The following LAMA3 variants were observed in gnomAD, a reference collection of about 807,000 sequenced individuals.
LAMA3 encodes the protein laminin subunit alpha 3.
A neutral mutation model predicts 402.0 loss-of-function variants in LAMA3; 281 were observed. The ratio of observed to expected loss-of-function variants is 0.70; its 90% CI spans 0.63 to 0.77. The LOEUF (loss-of-function observed/expected upper bound fraction) is 0.77. Among genes scored for constraint, LAMA3 ranks in the 30% least tolerant of loss-of-function variants. The pLI is 0.00. For synonymous variants in LAMA3, 1,431 were observed against 1,558.4 expected, an observed-to-expected ratio of 0.92 and a Z score of 1.93; for missense variants, 3,840 against 4,215.5, an observed-to-expected ratio of 0.91 and a Z score of 2.47.
chr18:23,816,384 T>C lies in LAMA3; in HGVS notation c.2048-4T>C. 6.2e-7 allele frequency: 1 copy of C among 1,613,432 alleles called. No individual in the cohort carries two copies. The highest frequency in any genetic ancestry group is 8.5e-7 in the Non-Finnish European group (1 of 1,179,426). ...TATAACTGCTGCTGTTTCCTGGCTT[T>C]CAGGGTGTCAGTGTGACATTGGTGG... On this transcript the variant is annotated splice_region_variant and splice_polypyrimidine_tract_variant and intron_variant, in intron 17 of 74. Transcript: ENST00000313654.
At chr18:23,718,277 A>G (rs1423074035) in intron 2 of LAMA3, among the ~76,000 whole-genome samples, 2 of 151,976 alleles carry the variant, frequency 1.3e-5, no homozygotes, top group Admixed American at 6.6e-5. Context: ...TGGGCTCCCT[A>G]TGTTCACCTT....
chr18:23,850,586 T>A (rs2063921411), intron 32 of LAMA3, among the ~76,000 whole-genome samples: 1 of 152,248 alleles, frequency 6.6e-6, no homozygotes, highest in African/African-American at 2.4e-5. Context: ...TATCACGGAC[T>A]ATATTGTGTA....
At position 23,861,668 on chromosome 18, in the gene LAMA3, A is replaced by G; in HGVS notation, c.4445A>G (p.His1482Arg). ...CAGTTTGTGGATATGCTGGGCTGGC[A>G]CCTGGAGACAGCAGACAGAGTGGAC... ...RTKFVDMLGW[H>R]LETADRVDIP... Residue 1482 changes from histidine (H) to arginine (R), a missense_variant, in exon 35 of 75, where the codon CAC becomes CGC. Physicochemically the swap from His to Arg is conservative, Grantham distance 29 (BLOSUM62 0). Transcript: ENST00000313654. 1.2e-6 allele frequency: 2 copies of G among 1,614,134 alleles called. No individual in the cohort carries two copies. Among genetic ancestry groups the G allele is most frequent in the Non-Finnish European group, 1.7e-6 (2 of 1,180,012 alleles).
chr18:23,927,717 A>G (rs1221816774), intron 62 of LAMA3, among the ~76,000 whole-genome samples: 2 of 152,202 alleles, frequency 1.3e-5, no homozygotes. Flanking sequence ...GGTTCCTACA[A>G]ATGATTTATT....
chr18:23,759,077 G>A (rs1269578671), intron 7 of LAMA3, among the ~76,000 whole-genome samples: 2 of 151,566 alleles, frequency 1.3e-5, no homozygotes, highest in South Asian at 2.1e-4. Flanking sequence ...TAGGCCTGAT[G>A]TGGTGGCTCC....
chr18:23,888,437 T>C (rs1301621686), intron 41 of LAMA3, among the ~76,000 whole-genome samples: 1 of 152,210 alleles, frequency 6.6e-6, no homozygotes, highest in African/African-American at 2.4e-5. Flanking sequence ...CACTTATTCA[T>C]TCAACAAATG....
chr18:23,807,356 T>C (rs1175055623), intron 12 of LAMA3, among the ~76,000 whole-genome samples: 1 of 152,162 alleles, frequency 6.6e-6, no homozygotes, highest in Non-Finnish European at 1.5e-5. Flanking sequence ...ATACTTCTCT[T>C]GGTACCAAAA....
Position 23,815,557 on chromosome 18 carries a change from T to A in LAMA3, c.2031T>A (p.Asn677Lys), listed in dbSNP as rs1283258474. ...EDGYFALEKS[N>K]YFGCQGCQCD... is the part of the protein sequence containing the mutation. ...GATATTTTGCTTTGGAAAAGAGCAATTACTTTGGGTGTCAAGGTAAATAAG... is the reference window on the plus strand; with the variant it reads ...GATATTTTGCTTTGGAAAAGAGCAAATACTTTGGGTGTCAAGGTAAATAAG... The change falls in exon 17 of 75, where the codon AAT becomes AAA. Residue 677 changes from asparagine (N) to lysine (K), a missense_variant. Transcript: ENST00000313654. 6.2e-7 allele frequency: 1 copy of A among 1,613,442 alleles called. No homozygotes were observed. The highest frequency in any genetic ancestry group is 1.7e-5 in the Admixed American group (1 of 60,022).
chr18:23,894,948 A>G lies in LAMA3; in HGVS notation c.5503A>G (p.Thr1835Ala), dbSNP rs771515197. 3 of 1,614,190 alleles carry G rather than the reference A, an allele frequency of 1.9e-6. No homozygotes were observed. Among genetic ancestry groups the G allele is most frequent in the East Asian group, 2.2e-5 (1 of 44,876 alleles). Reference protein sequence around the residue: ...CVMTLLNDLATMGEQLRLVKS... With the variant: ...CVMTLLNDLAAMGEQLRLVKS... ...GATGACCCTCCTGAACGACCTGGCCACCATGGGCGAGCAGCTCCGCCTGGT... is the reference window on the plus strand; with the variant it reads ...GATGACCCTCCTGAACGACCTGGCCGCCATGGGCGAGCAGCTCCGCCTGGT... The change falls in exon 44 of 75, where the codon ACC becomes GCC. Residue 1835 changes from threonine (T) to alanine (A), a missense_variant. Physicochemically the swap from Thr to Ala is moderately conservative, Grantham distance 58. Transcript: ENST00000313654.
intron 42 of LAMA3, among the ~76,000 whole-genome samples, chr18:23,891,029 G>A (rs1478767138): frequency 6.6e-6 from 1 of 152,196 alleles, no homozygotes; most frequent in African/African-American, 2.4e-5. Flanking sequence ...TGGACAAAAG[G>A]CAGATTAATA....
chr18:23,791,777 C>A (rs971098716), intron 12 of LAMA3, among the ~76,000 whole-genome samples: 3 of 145,036 alleles, frequency 2.1e-5, no homozygotes, highest in African/African-American at 5.1e-5. Flanking sequence ...CCCCAAAAAA[C>A]CAAACAAATG....
intron 32 of LAMA3, among the ~76,000 whole-genome samples, chr18:23,853,493 G>A (rs559025241): frequency 1.6e-4 from 25 of 152,202 alleles, no homozygotes; most frequent in African/African-American, 5.5e-4. Context: ...GGCTGTTCTC[G>A]AACTCCCGAC....
At chr18:23,773,984 G>A (rs947720468) in intron 9 of LAMA3, among the ~76,000 whole-genome samples, 1 of 152,208 alleles carries the variant, frequency 6.6e-6, no homozygotes, top group Non-Finnish European at 1.5e-5. Flanking sequence ...ACTTTGGGAG[G>A]CTGAGGCAGG....
intron 18 of LAMA3, 128 bp downstream of exon 18, chr18:23,816,615 A>G (rs1055176495): frequency 5.3e-6 from 4 of 755,172 alleles, no homozygotes; most frequent in African/African-American, 3.4e-5. Flanking sequence ...AAGCTGTCCT[A>G]TGTCAATTGA....
intron 55 of LAMA3, among the ~76,000 whole-genome samples, chr18:23,911,183 G>A (rs2081413689): frequency 6.6e-6 from 1 of 152,128 alleles, no homozygotes; most frequent in Non-Finnish European, 1.5e-5. Flanking sequence ...AGGTTCTGAA[G>A]GGCAGGGGGT....
In LAMA3 at chr18:23,792,212, A is replaced by G. The variant is rs568634501; in HGVS notation, c.1603+8055A>G. Among the ~76,000 whole-genome samples, 87 of 152,196 alleles carry G rather than the reference A, an allele frequency of 5.7e-4. 1 individual carries two copies. The highest frequency in any genetic ancestry group is 1.0e-3 in the Non-Finnish European group (70 of 68,032). ...TCTGATGTGTCTTAGTCCATTTGGT[A>G]TTGCTATAACAGAATACCTGAGATT... On this transcript the variant is annotated intron_variant, in intron 12 of 74. Coordinates refer to ENST00000313654, the MANE Select transcript of LAMA3 (RefSeq NM_198129.4).
chr18:23,858,704 A>G lies in LAMA3; in HGVS notation c.4297A>G (p.Thr1433Ala), dbSNP rs377141415. Residue 1433 changes from threonine to alanine, a missense_variant, in exon 34 of 75, where the codon ACA becomes GCA. Coordinates refer to ENST00000313654, the MANE Select transcript of LAMA3 (RefSeq NM_198129.4). ...ACLCKENVEG[T>A]ECNVCREGSF... ...GCTTCAATAGGAAAATGTAGAAGGC[A>G]CAGAGTGTAATGTGTGTCGAGAAGG... The G allele has an allele frequency of 4.1e-5, 66 of 1,614,104 alleles. No homozygotes were observed. The highest frequency in any genetic ancestry group is 1.3e-5 in the African/African-American group (1 of 74,936).
chr18:23,751,054 C>T lies in LAMA3; in HGVS notation c.821C>T (p.Ser274Phe). The part of the protein sequence containing the change: ...RTNTLLGHLI[S>F]KAQRDPTVTR... ...AATACGCTTCTTGGACACCTCATCT[C>T]CAAAGCCCAGCGAGATCCAACTGTC... The change falls in exon 5 of 75, where the codon TCC becomes TTC. Residue 274 changes from serine to phenylalanine, a missense_variant. This residue lies in a region of LAMA3 where 2,109 missense variants were observed against 2,376.0 expected (regional missense o/e 0.89). Coordinates refer to ENST00000313654, the MANE Select transcript of LAMA3 (RefSeq NM_198129.4). The T allele has an allele frequency of 8.7e-6, 14 of 1,614,126 alleles. No homozygotes were observed. Among genetic ancestry groups the T allele is most frequent in the Non-Finnish European group, 9.3e-6 (11 of 1,180,010 alleles).
chr18:23,704,946 T>C (rs2060858933), intron 1 of LAMA3, among the ~76,000 whole-genome samples: 1 of 152,206 alleles, frequency 6.6e-6, no homozygotes, highest in Admixed American at 6.5e-5. Context: ...TTCTGTGGGC[T>C]TCTGGTTTAT....
Sources: gnomAD v4.1 joint callset for allele counts (sites outside exome capture counted in the v4.1 genomes callset) on GRCh38, gnomAD v4.1.1 for gene constraint, gnomAD v4.1.1 regional missense constraint, MANE v1.5 for transcripts, NCBI Gene and HGNC (gene_info 2026-07-23, HGNC 2026-07-21) for gene names.